Variants in SLC35F3 observed in about 807,000 individuals in gnomAD.
SLC35F3 encodes solute carrier family 35 member F3, also known as putative thiamine transporter SLC35F3.
A neutral mutation model predicts 49.9 loss-of-function variants in SLC35F3; 25 were observed. The ratio of observed to expected loss-of-function variants is 0.50; its 90% confidence interval spans 0.37 to 0.70. SLC35F3 has a LOEUF of 0.70. SLC35F3 is among the 30% of genes least tolerant of loss of function. The probability of loss-of-function intolerance (pLI) is 0.00; values close to 1 mark genes in which losing one functional copy is unlikely to be tolerated. For missense variants in SLC35F3, 525 were observed against 639.8 expected (o/e 0.82, Z 1.94); for synonymous variants, 275 against 265.4 (o/e 1.04, Z -0.35).
chr1:234,131,655 A>T (rs1221466477), intron 2 of SLC35F3, among the ~76,000 whole-genome samples: 1 of 152,200 alleles, frequency 6.6e-6, no homozygotes, highest in Non-Finnish European at 1.5e-5. Flanking sequence ...CTCAGCATTG[A>T]TGTTAGGGAG....
intron 2 of SLC35F3, among the ~76,000 whole-genome samples, chr1:233,925,729 G>A (rs1211190477): frequency 1.3e-5 from 2 of 152,270 alleles, no homozygotes; most frequent in African/African-American, 2.4e-5. Context: ...TCCTAGCATC[G>A]ATGGTCTTTA....
At chr1:233,959,513 T>C (rs1558189742) in intron 2 of SLC35F3, among the ~76,000 whole-genome samples, 1 of 152,154 alleles carries the variant, frequency 6.6e-6, no homozygotes, top group Admixed American at 6.5e-5. Flanking sequence ...AAAGATATAA[T>C]TTTTTTTCAG....
At chr1:233,945,224 A>G (rs1290044440) in intron 2 of SLC35F3, among the ~76,000 whole-genome samples, 1 of 151,974 alleles carries the variant, frequency 6.6e-6, no homozygotes, top group Non-Finnish European at 1.5e-5. Context: ...CAGAAAGGGC[A>G]CTGCTATTTG....
At chr1:234,095,230 A>G (rs1459518125) in intron 2 of SLC35F3, among the ~76,000 whole-genome samples, 1 of 152,250 alleles carries the variant, frequency 6.6e-6, no homozygotes, top group Admixed American at 6.5e-5. Flanking sequence ...AGGGGCCTCC[A>G]TGAAGTTCAT....
chr1:234,208,207 G>A (rs921323744), intron 2 of SLC35F3, among the ~76,000 whole-genome samples: 9 of 152,094 alleles, frequency 5.9e-5, no homozygotes, highest in African/African-American at 1.7e-4. Context: ...ATGCTCTGTC[G>A]GTCTCAAGGG....
At chr1:234,056,158 G>A (rs1200719360) in intron 2 of SLC35F3, among the ~76,000 whole-genome samples, 1 of 151,736 alleles carries the variant, frequency 6.6e-6, no homozygotes, top group Non-Finnish European at 1.5e-5. Flanking sequence ...TTCTAGAAGT[G>A]TTCCTTTCAT....
chr1:234,146,382 A>G (rs1007377803), intron 2 of SLC35F3, among the ~76,000 whole-genome samples: 2 of 144,988 alleles, frequency 1.4e-5, no homozygotes, highest in Admixed American at 7.1e-5. Context: ...TGATATTACT[A>G]TTGCCTAATT....
At chr1:234,282,218 G>A (rs983328393) in intron 3 of SLC35F3, among the ~76,000 whole-genome samples, 7 of 152,282 alleles carry the variant, frequency 4.6e-5, no homozygotes, top group Non-Finnish European at 8.8e-5. Flanking sequence ...TAAGTGCAGC[G>A]GACCCACCAG....
chr1:234,172,303 G>A (rs1007438996), intron 2 of SLC35F3, among the ~76,000 whole-genome samples: 1 of 152,260 alleles, frequency 6.6e-6, no homozygotes, highest in Middle Eastern at 3.4e-3. Flanking sequence ...GCACAATCTT[G>A]GCTCACTGCA....
intron 3 of SLC35F3, among the ~76,000 whole-genome samples, chr1:234,260,103 C>A (rs1667880440): frequency 6.6e-6 from 1 of 152,110 alleles, no homozygotes; most frequent in East Asian, 1.9e-4. Flanking sequence ...TTGAAGCTTC[C>A]ATCTACTTGA....
intron 2 of SLC35F3, among the ~76,000 whole-genome samples, chr1:233,954,008 CTT>C (rs750099276): frequency 1.6e-4 from 23 of 141,170 alleles, no homozygotes; most frequent in Admixed American, 2.1e-4. Context: ...ACTAGAGCCT[CTT>C]TTTTTTTTTT....
At position 234,189,453 on chromosome 1, in the gene SLC35F3, A is replaced by C. The variant is rs376273955; in HGVS notation, c.284-41964A>C. On this transcript the variant is annotated intron_variant, in intron 2 of 7. Transcript: ENST00000366618. ...AAAGTCTCAGCAATAGAATCAAACA[A>C]GCAGAAGAACGAACTTCAGAGCTCG... is the stretch of plus-strand genomic sequence containing the variant. Among the ~76,000 whole-genome samples the C allele has an allele frequency of 1.0e-3, 152 of 151,848 alleles. 1 individual carries two copies. The highest frequency in any genetic ancestry group is 3.5e-3 in the African/African-American group (143 of 41,446).
rs201812288 is a variant in SLC35F3 at position 234,069,143 on chromosome 1, AATAT to A, written c.284-162271_284-162268del. On this transcript the variant is annotated intron_variant, in intron 2 of 7. Coordinates refer to ENST00000366618, the MANE Select transcript of SLC35F3 (RefSeq NM_173508.4). ...TTTGTATATAAAATATATAATATAT[AATAT>A]ATTTATAGACAATAATATATAATAT... 3.7e-4 allele frequency among the ~76,000 whole-genome samples: 49 copies of A among 131,958 alleles called. 1 individual carries two copies. Among genetic ancestry groups the A allele is most frequent in the Non-Finnish European group, 1.7e-4 (11 of 64,488 alleles). 86.6% of individuals were successfully genotyped at this position (131,958 alleles called of 152,430 possible).
chr1:233,936,453 T>C (rs1662329011), intron 2 of SLC35F3, among the ~76,000 whole-genome samples: 1 of 152,092 alleles, frequency 6.6e-6, no homozygotes, highest in South Asian at 2.1e-4. Context: ...AACAAGAGGG[T>C]AGTGGGGAAC....
At chr1:233,963,295 T>C (rs1198601015) in intron 2 of SLC35F3, among the ~76,000 whole-genome samples, 1 of 151,316 alleles carries the variant, frequency 6.6e-6, no homozygotes, top group African/African-American at 2.4e-5. Flanking sequence ...TTTTTCTTTC[T>C]TTCTTTTTTT....
chr1:234,226,311 G>T (rs1667284661), intron 2 of SLC35F3, among the ~76,000 whole-genome samples: 2 of 152,032 alleles, frequency 1.3e-5, no homozygotes, highest in Admixed American at 1.3e-4. Context: ...GCCAGCTGGT[G>T]GTCTTTGATC....
chr1:234,024,741 C>T (rs1032449732), intron 2 of SLC35F3, among the ~76,000 whole-genome samples: 4 of 152,282 alleles, frequency 2.6e-5, no homozygotes, highest in Non-Finnish European at 4.4e-5. Context: ...TCATGAGCAA[C>T]GAACCCTCGT....
intron 2 of SLC35F3, among the ~76,000 whole-genome samples, chr1:234,018,546 T>A (rs1175040522): frequency 6.6e-6 from 1 of 152,160 alleles, no homozygotes; most frequent in African/African-American, 2.4e-5. Context: ...CAGTAATGGA[T>A]AAAAAGACCA....
At chr1:234,110,716 C>T (rs1259130149) in intron 2 of SLC35F3, among the ~76,000 whole-genome samples, 2 of 148,434 alleles carry the variant, frequency 1.3e-5, no homozygotes, top group African/African-American at 4.8e-5. Context: ...TCATCCACAG[C>T]TGATGGGAAT....
Sources: gnomAD v4.1 joint callset for allele counts (sites outside exome capture counted in the v4.1 genomes callset) on GRCh38, gnomAD v4.1.1 for gene constraint, MANE v1.5 for transcripts, NCBI Gene and HGNC (gene_info 2026-07-23, HGNC 2026-07-21) for gene names.